Variants in FCHSD2 observed in about 807,000 individuals in gnomAD.
FCHSD2 encodes the protein F-BAR and double SH3 domains protein 2.
A neutral mutation model predicts 108.1 loss-of-function variants in FCHSD2; 38 were observed. The observed-to-expected ratio is 0.35, with a 90% confidence interval of 0.27 to 0.46. The LOEUF (loss-of-function observed/expected upper bound fraction) is 0.46, where lower values mean the gene tolerates loss of function less well. Ranked by LOEUF, FCHSD2 falls within the 20% of genes least tolerant of loss-of-function variation. The pLI is 1.00. For missense variants in FCHSD2, 751 were observed against 897.8 expected (o/e 0.84, Z 2.09); for synonymous variants, 279 against 314.7 (o/e 0.89, Z 1.20).
intron 3 of FCHSD2, among the ~76,000 whole-genome samples, chr11:73,042,221 G>A (rs182969082): frequency 7.2e-5 from 11 of 152,098 alleles, no homozygotes; most frequent in South Asian, 2.1e-4. Flanking sequence ...CACTGCACCC[G>A]GCTGAGATTA....
At chr11:73,052,493 G>A (rs141380977) in intron 3 of FCHSD2, among the ~76,000 whole-genome samples, 71 of 152,238 alleles carry the variant, frequency 4.7e-4, no homozygotes, top group Non-Finnish European at 8.5e-4. Context: ...GGCTAATGCA[G>A]TGTATTAGAG....
At chr11:73,038,445 G>A (rs143635163) in intron 3 of FCHSD2, among the ~76,000 whole-genome samples, 1,595 of 152,066 alleles carry the variant, frequency 0.01, 19 homozygotes, top group Non-Finnish European at 0.016. Context: ...CAAGAAAAAT[G>A]GGCAGTGACT....
intron 12 of FCHSD2, among the ~76,000 whole-genome samples, chr11:72,883,886 C>T (rs193113592): frequency 5.3e-5 from 8 of 149,948 alleles, no homozygotes; most frequent in African/African-American, 1.5e-4. Context: ...GAGTTGAGAT[C>T]GTGCCACTGC....
chr11:73,022,043 A>AT (rs1218044247), intron 3 of FCHSD2, among the ~76,000 whole-genome samples: 1 of 152,156 alleles, frequency 6.6e-6, no homozygotes, highest in Non-Finnish European at 1.5e-5. Context: ...GCAGTGAGCC[A>AT]TGACTGCACC....
intron 16 of FCHSD2, 120 bp from the exon 17 acceptor site, chr11:72,842,961 AT>A: frequency 1.1e-6 from 1 of 930,600 alleles, no homozygotes; most frequent in Non-Finnish European, 1.6e-6. Flanking sequence ...TAAAGTTGTA[AT>A]TTTTTTACTC....
intron 2 of FCHSD2, among the ~76,000 whole-genome samples, chr11:73,122,000 GA>G (rs1860745278): frequency 6.6e-6 from 1 of 152,036 alleles, no homozygotes; most frequent in Non-Finnish European, 1.5e-5. Context: ...TTAAAAAATT[GA>G]ACACAAAATG....
chr11:73,013,596 T>G (rs996301886), intron 4 of FCHSD2, among the ~76,000 whole-genome samples: 5 of 152,226 alleles, frequency 3.3e-5, no homozygotes, highest in Middle Eastern at 3.2e-3. Context: ...ACATATAACC[T>G]GAGACCTGGT....
intron 5 of FCHSD2, among the ~76,000 whole-genome samples, chr11:72,998,718 T>C (rs567899426): frequency 4.6e-5 from 7 of 152,246 alleles, no homozygotes; most frequent in Non-Finnish European, 7.4e-5. Context: ...AAATATTAGA[T>C]TGCTTAATAT....
intron 4 of FCHSD2, among the ~76,000 whole-genome samples, chr11:73,004,567 A>G (rs1190427359): frequency 6.6e-6 from 1 of 152,072 alleles, no homozygotes; most frequent in African/African-American, 2.4e-5. Context: ...TACCCAGCTT[A>G]GGTTTCATGG....
chr11:73,117,038 T>C (rs1371098674), intron 2 of FCHSD2, among the ~76,000 whole-genome samples: 10 of 152,216 alleles, frequency 6.6e-5, no homozygotes, highest in African/African-American at 1.4e-4. Context: ...CTGTATCATA[T>C]TGGTCTTTTC....
At chr11:73,045,917 T>C (rs1858752414) in intron 3 of FCHSD2, among the ~76,000 whole-genome samples, 1 of 148,936 alleles carries the variant, frequency 6.7e-6, no homozygotes, top group Non-Finnish European at 1.5e-5. Context: ...TAAAGTATAA[T>C]AATAAAAGAA....
chr11:73,033,685 A>C (rs927038651), intron 3 of FCHSD2, among the ~76,000 whole-genome samples: 8 of 152,242 alleles, frequency 5.3e-5, no homozygotes, highest in African/African-American at 1.9e-4. Context: ...ACAAATTTAT[A>C]TAATTTATGG....
intron 3 of FCHSD2, among the ~76,000 whole-genome samples, chr11:73,071,882 A>G (rs1859445598): frequency 6.6e-6 from 1 of 152,198 alleles, no homozygotes; most frequent in Non-Finnish European, 1.5e-5. Context: ...AGTGCTTAGA[A>G]CAGTGCCTGA....
intron 2 of FCHSD2, among the ~76,000 whole-genome samples, chr11:73,120,342 T>C (rs1351841077): frequency 6.6e-6 from 1 of 152,234 alleles, no homozygotes; most frequent in Non-Finnish European, 1.5e-5. Flanking sequence ...TTAAGAACAA[T>C]GTACATTTTA....
At chr11:73,067,491 A>T (rs1859324478) in intron 3 of FCHSD2, among the ~76,000 whole-genome samples, 1 of 152,134 alleles carries the variant, frequency 6.6e-6, no homozygotes, top group South Asian at 2.1e-4. Flanking sequence ...AAAAAAAAGA[A>T]AGAAAGAAAA....
At chr11:73,093,471 T>TA (rs1243768565) in intron 2 of FCHSD2, among the ~76,000 whole-genome samples, 1 of 152,162 alleles carries the variant, frequency 6.6e-6, no homozygotes, top group East Asian at 1.9e-4. Context: ...TTCTCGAACT[T>TA]ACAGCTGGTG....
At chr11:72,897,691 T>C (rs78496443) in intron 10 of FCHSD2, among the ~76,000 whole-genome samples, 3,389 of 152,276 alleles carry the variant, frequency 0.022, 129 homozygotes, top group African/African-American at 0.075. Flanking sequence ...GTTTTCTCCA[T>C]TGTACACCAC....
intron 2 of FCHSD2, among the ~76,000 whole-genome samples, chr11:73,109,837 C>T (rs935175478): frequency 1.4e-4 from 22 of 152,138 alleles, no homozygotes; most frequent in African/African-American, 5.3e-4. Flanking sequence ...GTGGGTCTGT[C>T]TTAAATGGCT....
intron 3 of FCHSD2, among the ~76,000 whole-genome samples, chr11:73,051,838 T>C (rs1858904345): frequency 6.7e-6 from 1 of 149,936 alleles, no homozygotes; most frequent in South Asian, 2.1e-4. Context: ...TTTTATATAA[T>C]AGACCTTCAG....
Sources: gnomAD v4.1 joint callset for allele counts (sites outside exome capture counted in the v4.1 genomes callset) on GRCh38, gnomAD v4.1.1 for gene constraint, MANE v1.5 for transcripts, NCBI Gene and HGNC (gene_info 2026-07-23, HGNC 2026-07-21) for gene names.